The following PLEKHM3 variants were observed in gnomAD, a reference collection of about 807,000 sequenced individuals.
PLEKHM3 encodes pleckstrin homology domain containing M3.
In PLEKHM3, 45 loss-of-function variants were observed where a neutral mutation model predicts 81.8. The ratio of observed to expected loss-of-function variants is 0.55; its 90% confidence interval spans 0.43 to 0.71. PLEKHM3 has a LOEUF of 0.71. Among genes scored for constraint, PLEKHM3 ranks in the 30% least tolerant of loss-of-function variants. The pLI is 0.00. For synonymous variants in PLEKHM3, 352 were observed against 356.4 expected, an observed-to-expected ratio of 0.99 and a Z score of 0.14; for missense variants, 788 against 924.3, an observed-to-expected ratio of 0.85 and a Z score of 1.91.
chr2:207,830,977 G>A (rs1000367329), intron 7 of PLEKHM3, among the ~76,000 whole-genome samples: 16 of 152,330 alleles, frequency 1.1e-4, no homozygotes, highest in Middle Eastern at 3.4e-3. Context: ...TCGCCTTTCT[G>A]AGCTTCCTGC....
At chr2:207,916,974 C>T (rs1689013823) in intron 5 of PLEKHM3, among the ~76,000 whole-genome samples, 1 of 152,116 alleles carries the variant, frequency 6.6e-6, no homozygotes, top group African/African-American at 2.4e-5. Flanking sequence ...CACCCTTTTA[C>T]AGTGCTGATA....
At chr2:207,916,948 T>C (rs1405909904) in intron 5 of PLEKHM3, among the ~76,000 whole-genome samples, 1 of 152,210 alleles carries the variant, frequency 6.6e-6, no homozygotes, top group East Asian at 1.9e-4. Context: ...TGAATGACAC[T>C]GCAGACAGTC....
At chr2:208,023,775 G>A (rs1040108870) in intron 1 of PLEKHM3, among the ~76,000 whole-genome samples, 7 of 152,082 alleles carry the variant, frequency 4.6e-5, no homozygotes, top group African/African-American at 9.7e-5. Flanking sequence ...CCAGGGGACC[G>A]CAGCATTAAA....
rs182363257 is a variant in PLEKHM3, at chr2:207,933,153, C to T, written c.1693-2034G>A. ...GTCTCTGAAAATCACAAAAAGGCAC[C>T]TAGAATTAGCCAAAATCTTCAACTA... On this transcript the variant is annotated intron_variant, in intron 4 of 7. Transcript: ENST00000427836. Among the ~76,000 whole-genome samples the T allele has an allele frequency of 1.7e-4, 26 of 152,182 alleles. No homozygotes were observed. The East Asian group carries it at 4.4e-3, about 26-fold the overall frequency.
At chr2:207,846,113 C>G (rs1285758785) in intron 7 of PLEKHM3, among the ~76,000 whole-genome samples, 3 of 152,122 alleles carry the variant, frequency 2.0e-5, no homozygotes, top group African/African-American at 7.2e-5. Context: ...GGAACGACAT[C>G]GAGACTTCTT....
chr2:207,868,800 A>G (rs1361558904), intron 6 of PLEKHM3: 1 of 152,206 alleles, frequency 6.6e-6, no homozygotes. Context: ...TTTTAAAGGA[A>G]GACATCAAGT....
At chr2:207,915,503 C>A (rs1482314950) in intron 5 of PLEKHM3, among the ~76,000 whole-genome samples, 1 of 152,090 alleles carries the variant, frequency 6.6e-6, no homozygotes, top group Non-Finnish European at 1.5e-5. Flanking sequence ...TAGGCAGACC[C>A]TTTGCAAGGT....
intron 7 of PLEKHM3, among the ~76,000 whole-genome samples, chr2:207,834,287 AG>A: frequency 6.6e-6 from 1 of 150,790 alleles, no homozygotes; most frequent in South Asian, 2.1e-4. Context: ...TGCACCACTA[AG>A]CCTGGCTAAT....
At chr2:207,969,860 A>C (rs1315847922) in intron 3 of PLEKHM3, among the ~76,000 whole-genome samples, 1 of 152,208 alleles carries the variant, frequency 6.6e-6, no homozygotes, top group Non-Finnish European at 1.5e-5. Context: ...TAAGCATATA[A>C]ATGTTATTAG....
At chr2:207,902,206 T>C (rs1688453107) in intron 6 of PLEKHM3, among the ~76,000 whole-genome samples, 1 of 152,194 alleles carries the variant, frequency 6.6e-6, no homozygotes, top group Admixed American at 6.5e-5. Flanking sequence ...ACTTCTTTGG[T>C]GAAAGGGCAG....
At chr2:207,864,702 T>C (rs1278843852) in intron 6 of PLEKHM3, among the ~76,000 whole-genome samples, 1 of 152,206 alleles carries the variant, frequency 6.6e-6, no homozygotes, top group Non-Finnish European at 1.5e-5. Context: ...TGTGAACATT[T>C]TGAAGGCTCT....
intron 1 of PLEKHM3, among the ~76,000 whole-genome samples, chr2:208,018,148 G>A (rs1023721425): frequency 1.3e-5 from 2 of 152,084 alleles, no homozygotes; most frequent in African/African-American, 4.8e-5. Flanking sequence ...GCCAAGGCGG[G>A]TGGATCACAA....
chr2:207,888,810 T>C (rs924367329), intron 6 of PLEKHM3, among the ~76,000 whole-genome samples: 6 of 152,208 alleles, frequency 3.9e-5, no homozygotes, highest in African/African-American at 4.8e-5. Context: ...AGGACCTATT[T>C]CTCTTAGAGG....
In PLEKHM3 at chr2:207,828,468, A is replaced by G. The variant is rs1043805876; in HGVS notation, c.2137T>C (p.Ser713Pro). The change falls in exon 8 of 8, where the codon TCT becomes CCT. Residue 713 changes from serine to proline, a missense_variant. Ser to Pro is a moderately conservative substitution (Grantham distance 74). Transcript: ENST00000427836. ...RCESCGAVFH[S>P]ECKEKSVPCP... ...GGGACAGACTTTTCTTTGCATTCAG[A>G]ATGGAAAACGGCTCCACAGCTTTCA... The G allele has an allele frequency of 7.4e-6, 12 of 1,614,070 alleles. No individual in the cohort carries two copies. Among genetic ancestry groups the G allele is most frequent in the Non-Finnish European group, 2.5e-6 (3 of 1,180,002 alleles).
At chr2:207,906,007 G>A (rs1468616623) in intron 6 of PLEKHM3, among the ~76,000 whole-genome samples, 3 of 152,146 alleles carry the variant, frequency 2.0e-5, no homozygotes, top group Admixed American at 1.3e-4. Context: ...GATTCCAAAT[G>A]GATACATTAC....
At chr2:207,840,685 A>G (rs1381365145) in intron 7 of PLEKHM3, among the ~76,000 whole-genome samples, 3 of 151,976 alleles carry the variant, frequency 2.0e-5, no homozygotes, top group African/African-American at 7.2e-5. Context: ...ATTTTTAAAT[A>G]TATCTTTCAT....
chr2:207,990,593 C>T (rs1035571289), intron 2 of PLEKHM3, among the ~76,000 whole-genome samples: 2 of 152,124 alleles, frequency 1.3e-5, no homozygotes, highest in Non-Finnish European at 2.9e-5. Flanking sequence ...ACAGGCACAT[C>T]GGGGCACACT....
At chr2:207,858,808 C>CACGT (rs1412219211) in intron 7 of PLEKHM3, among the ~76,000 whole-genome samples, 3 of 152,090 alleles carry the variant, frequency 2.0e-5, no homozygotes, top group African/African-American at 7.2e-5. Flanking sequence ...CAATATAATT[C>CACGT]ACGTACCATA....
intron 6 of PLEKHM3, among the ~76,000 whole-genome samples, chr2:207,889,579 T>G (rs557351418): frequency 1.3e-5 from 2 of 151,852 alleles, no homozygotes; most frequent in Non-Finnish European, 2.9e-5. Context: ...AGAAAGTCCC[T>G]TAGGAGGCCT....
Sources: gnomAD v4.1 joint callset for allele counts (sites outside exome capture counted in the v4.1 genomes callset) on GRCh38, gnomAD v4.1.1 for gene constraint, MANE v1.5 for transcripts, NCBI Gene and HGNC (gene_info 2026-07-23, HGNC 2026-07-21) for gene names.